Variants in ZDHHC17 observed in about 807,000 individuals in gnomAD.
The protein encoded by ZDHHC17 is zDHHC palmitoyltransferase 17, also known as palmitoyltransferase ZDHHC17.
ZDHHC17 carries 40 observed loss-of-function variants against 90.3 expected under a neutral mutation model. The ratio of observed to expected loss-of-function variants is 0.44; its 90% CI spans 0.34 to 0.58. The LOEUF is 0.58. Among genes scored for constraint, ZDHHC17 ranks in the 20% least tolerant of loss-of-function variants. ZDHHC17 has a pLI of 0.01. For synonymous variants in ZDHHC17, 235 were observed against 252.4 expected, an observed-to-expected ratio of 0.93 and a Z score of 0.65; for missense variants, 614 against 780.8, an observed-to-expected ratio of 0.79 and a Z score of 2.55.
chr12:76,767,362 A>G (rs1016025934), intron 1 of ZDHHC17, among the ~76,000 whole-genome samples: 3 of 152,246 alleles, frequency 2.0e-5, no homozygotes, highest in African/African-American at 7.2e-5. Context: ...GGGTAAAGAA[A>G]TGAGCATTGC....
At chr12:76,844,644 T>G (rs1330954743) in intron 12 of ZDHHC17, 1 of 152,128 alleles carries the variant, frequency 6.6e-6, no homozygotes, top group African/African-American at 2.4e-5. Flanking sequence ...CTAAGTAGAT[T>G]TAGTCTAACA....
At chr12:76,839,720 A>G (rs1231720483) in intron 10 of ZDHHC17, among the ~76,000 whole-genome samples, 1 of 152,206 alleles carries the variant, frequency 6.6e-6, no homozygotes, top group African/African-American at 2.4e-5. Context: ...GTAAATTAAA[A>G]CGATAAAATA....
chr12:76,827,168 T>A, intron 9 of ZDHHC17, 118 bp downstream of exon 9: 2 of 1,155,382 alleles, frequency 1.7e-6, no homozygotes, highest in Non-Finnish European at 1.1e-6. Flanking sequence ...TTAAATAATT[T>A]AGACATCTGT....
intron 4 of ZDHHC17, 125 bp from the exon 5 acceptor site, chr12:76,809,588 T>G: frequency 1.3e-6 from 1 of 763,270 alleles, no homozygotes; most frequent in Non-Finnish European, 1.9e-6. Context: ...ATGTATCTAT[T>G]TTAAAATAAC....
rs1436267255 is a variant in ZDHHC17, at chr12:76,828,252, A to G, written c.1041-138A>G. 7.9e-6 allele frequency: 5 copies of G among 631,332 alleles called. No individual in the cohort carries two copies. In the East Asian group the frequency reaches 1.6e-4, roughly 20 times the overall value. 39.1% of individuals were successfully genotyped at this position (631,332 alleles called of 1,614,324 possible). On this transcript the variant is annotated intron_variant, in intron 9 of 16. Transcript: ENST00000426126. ...AACTAATTTTTATTGATTACTATGAAAAATTGAGCATCCTGAACTCTGGAT... is the reference window on the plus strand; with the variant it reads ...AACTAATTTTTATTGATTACTATGAGAAATTGAGCATCCTGAACTCTGGAT...
At chr12:76,799,579 G>A (rs186155389) in intron 2 of ZDHHC17, among the ~76,000 whole-genome samples, 1 of 152,316 alleles carries the variant, frequency 6.6e-6, no homozygotes, top group African/African-American at 2.4e-5. Flanking sequence ...GTTGGAGCAT[G>A]TTTCTGGGTA....
At chr12:76,808,973 A>G (rs1952988326) in intron 3 of ZDHHC17, 70 bp from the exon 4 acceptor site, 9 of 1,007,950 alleles carry the variant, frequency 8.9e-6, no homozygotes, top group Non-Finnish European at 1.2e-5. Flanking sequence ...ATGTATTTAC[A>G]TATTTTTCAC....
At chr12:76,802,537 TTC>T (rs531421606) in intron 2 of ZDHHC17, among the ~76,000 whole-genome samples, 1,680 of 152,326 alleles carry the variant, frequency 0.011, 11 homozygotes, top group Non-Finnish European at 0.017. Flanking sequence ...TCTCTCTCTT[TTC>T]CTGGAACTTC....
At chr12:76,813,665 AAC>A (rs1389004170) in intron 5 of ZDHHC17, among the ~76,000 whole-genome samples, 1 of 152,102 alleles carries the variant, frequency 6.6e-6, no homozygotes, top group Non-Finnish European at 1.5e-5. Flanking sequence ...TGAATTAGGT[AAC>A]ACAACTTGGA....
At chr12:76,767,780 G>A (rs1197922375) in intron 1 of ZDHHC17, among the ~76,000 whole-genome samples, 2 of 152,116 alleles carry the variant, frequency 1.3e-5, no homozygotes, top group East Asian at 1.9e-4. Context: ...TTAGCCATGC[G>A]TGGTGGCACA....
At chr12:76,783,621 C>G (rs569313745) in intron 1 of ZDHHC17, among the ~76,000 whole-genome samples, 4 of 152,362 alleles carry the variant, frequency 2.6e-5, no homozygotes, top group East Asian at 3.9e-4. Context: ...CAGATTTTAT[C>G]TCTTCTCACT....
chr12:76,790,130 A>C (rs1014565347), intron 1 of ZDHHC17, among the ~76,000 whole-genome samples: 1 of 152,028 alleles, frequency 6.6e-6, no homozygotes, highest in African/African-American at 2.4e-5. Context: ...TTGTAAATCT[A>C]GACCTCTTAT....
rs763269507 is a variant in ZDHHC17, at chr12:76,788,688, ATTTTT to A, written c.94-8724_94-8720del. On this transcript the variant is annotated intron_variant, in intron 1 of 16. Transcript: ENST00000426126. ...AAAATATATTTAAGTTGGAATCGCA[ATTTTT>A]TTTTTTTTTTTTTTTTTTTTTGAGC... 2.9e-4 allele frequency among the ~76,000 whole-genome samples: 29 copies of A among 98,664 alleles called. 8 individuals are homozygous for A. The East Asian group carries it at 5.5e-3, about 19-fold the overall frequency. 64.7% of individuals were successfully genotyped at this position (98,664 alleles called of 152,430 possible).
At chr12:76,799,650 G>T (rs1952863632) in intron 2 of ZDHHC17, among the ~76,000 whole-genome samples, 4 of 152,216 alleles carry the variant, frequency 2.6e-5, no homozygotes, top group Non-Finnish European at 4.4e-5. Context: ...GATTAAAAAT[G>T]ATCTGAACAA....
In ZDHHC17 at chr12:76,809,723, C is replaced by G; in HGVS notation, c.409C>G (p.Leu137Val). Residue 137 changes from leucine to valine, a missense_variant, in exon 5 of 17, where the codon CTA becomes GTA. This residue lies in a region of ZDHHC17 where 358 missense variants were observed against 380.4 expected (regional missense o/e 0.94). Transcript: ENST00000426126. Reference sequence around the variant, plus strand: ...TCTTTTATGTTTTAGACAAGGCCATCTATCCATGGTTGTGCAACTAATGAA... The same window carrying G: ...TCTTTTATGTTTTAGACAAGGCCATGTATCCATGGTTGTGCAACTAATGAA... ...PLHWATRQGH[L>V]SMVVQLMKYG... is the part of the protein sequence containing the mutation. The G allele has an allele frequency of 6.7e-7, 1 of 1,502,054 alleles. No individual in the cohort carries two copies. Among genetic ancestry groups the G allele is most frequent in the Non-Finnish European group, 8.9e-7 (1 of 1,127,870 alleles). 93.0% of individuals were successfully genotyped at this position (1,502,054 alleles called of 1,614,324 possible). A position where few individuals can be genotyped will look rare whatever the true frequency, so the allele number is the denominator to read the frequency against.
chr12:76,787,344 A>G (rs545992435), intron 1 of ZDHHC17, among the ~76,000 whole-genome samples: 9 of 152,348 alleles, frequency 5.9e-5, no homozygotes, highest in African/African-American at 2.2e-4. Context: ...TAAATTGGCC[A>G]TATTCTATAA....
At chr12:76,787,816 G>C (rs1443714543) in intron 1 of ZDHHC17, among the ~76,000 whole-genome samples, 2 of 152,268 alleles carry the variant, frequency 1.3e-5, no homozygotes, top group East Asian at 3.9e-4. Context: ...CAATGAAAAT[G>C]ATTTATATAG....
intron 7 of ZDHHC17, among the ~76,000 whole-genome samples, chr12:76,818,298 G>A (rs1385155135): frequency 6.6e-6 from 1 of 152,112 alleles, no homozygotes; most frequent in Non-Finnish European, 1.5e-5. Context: ...TAAAAATGGG[G>A]ATCTGCCTCA....
chr12:76,843,873 A>G (rs1387804576), intron 12 of ZDHHC17: 1 of 152,120 alleles, frequency 6.6e-6, no homozygotes, highest in Admixed American at 6.6e-5. Context: ...CTAATTCTGA[A>G]AATTCTTTAT....
Sources: gnomAD v4.1 joint callset for allele counts (sites outside exome capture counted in the v4.1 genomes callset) on GRCh38, gnomAD v4.1.1 for gene constraint, gnomAD v4.1.1 regional missense constraint, MANE v1.5 for transcripts, NCBI Gene and HGNC (gene_info 2026-07-23, HGNC 2026-07-21) for gene names.